The following TENM4 variants were observed in gnomAD, a reference collection of about 807,000 sequenced individuals.
The protein encoded by TENM4 is teneurin-4.
In TENM4, 82 loss-of-function variants were observed where a neutral mutation model predicts 243.3. The ratio of observed to expected loss-of-function variants is 0.34; its 90% CI spans 0.28 to 0.40. TENM4 has a LOEUF of 0.40. Among genes scored for constraint, TENM4 ranks in the 10% least tolerant of loss-of-function variants. The pLI is 1.00. For synonymous variants in TENM4, 1,412 were observed against 1,456.3 expected (o/e 0.97, Z 0.69); for missense variants, 3,138 against 3,673.3 (o/e 0.85, Z 3.77).
At chr11:78,901,338 C>T (rs1855925100) in intron 7 of TENM4, among the ~76,000 whole-genome samples, 1 of 152,066 alleles carries the variant, frequency 6.6e-6, no homozygotes, top group Non-Finnish European at 1.5e-5. Flanking sequence ...TTACAATGAA[C>T]ATTTCTTATT....
intron 17 of TENM4, 112 bp from the exon 18 acceptor site, chr11:78,771,250 G>A (rs903909731): frequency 1.9e-5 from 25 of 1,327,930 alleles, no homozygotes; most frequent in Admixed American, 4.2e-5. Flanking sequence ...ATCAGCACAC[G>A]AATGCCCACA....
chr11:79,268,946 G>C (rs1282692236), intron 2 of TENM4, among the ~76,000 whole-genome samples: 1 of 152,184 alleles, frequency 6.6e-6, no homozygotes, highest in Non-Finnish European at 1.5e-5. Flanking sequence ...TGCTGGCTGA[G>C]AGTTCAATGT....
intron 6 of TENM4, among the ~76,000 whole-genome samples, chr11:79,059,957 G>T (rs936792577): frequency 2.6e-5 from 4 of 152,208 alleles, no homozygotes; most frequent in Admixed American, 6.5e-5. Flanking sequence ...TTAAAGAGCT[G>T]CAAGGTGGTC....
rs1384635007 is a variant in TENM4 at position 78,655,982 on chromosome 11, C to A, written c.*2076G>T. On this transcript the variant is annotated 3_prime_UTR_variant, in exon 34 of 34. Coordinates refer to ENST00000278550, the MANE Select transcript of TENM4 (RefSeq NM_001098816.3). The stretch of plus-strand genomic sequence containing the variant: ...CCAGGGGCAATGGGCAACCAGTGGA[C>A]AAGCAGGCCAAAGCGCACTGCTGCA... 1 of 152,212 alleles carries A rather than the reference C, an allele frequency of 6.6e-6. No individual in the cohort carries two copies. The highest frequency in any genetic ancestry group is 1.5e-5 in the Non-Finnish European group (1 of 68,070). 9.4% of individuals were successfully genotyped at this position (152,212 alleles called of 1,614,324 possible).
chr11:78,864,413 G>A lies in TENM4; in HGVS notation c.1085-1281C>T, dbSNP rs376001589. Among the ~76,000 whole-genome samples the A allele has an allele frequency of 2.3e-4, 24 of 105,232 alleles. No homozygotes were observed. The East Asian group carries it at 3.2e-3, about 14-fold the overall frequency. The allele number at this position is 105,232 out of a possible 152,430, so 69.0% of individuals were successfully genotyped here. ...CCCGCCACTGCACTCCAGCCTGGGC[G>A]ACAGAGCGAGACTCCGTCTCAAAAA... is the stretch of plus-strand genomic sequence containing the variant. On this transcript the variant is annotated intron_variant, in intron 9 of 33. Transcript: ENST00000278550.
intron 6 of TENM4, among the ~76,000 whole-genome samples, chr11:79,052,236 C>T (rs960520631): frequency 1.3e-5 from 2 of 152,224 alleles, no homozygotes; most frequent in Admixed American, 6.5e-5. Flanking sequence ...TACACTTCCA[C>T]CAACAGTGCA....
chr11:79,271,141 T>C (rs1163623934), intron 2 of TENM4, among the ~76,000 whole-genome samples: 4 of 152,174 alleles, frequency 2.6e-5, no homozygotes, highest in African/African-American at 9.7e-5. Context: ...CAGGTACTTG[T>C]ATGCCTTTCT....
At chr11:79,012,838 C>T (rs924502958) in intron 6 of TENM4, among the ~76,000 whole-genome samples, 6 of 152,178 alleles carry the variant, frequency 3.9e-5, no homozygotes, top group African/African-American at 1.2e-4. Flanking sequence ...GGCACCAGTG[C>T]ACTCCATCTC....
intron 4 of TENM4, among the ~76,000 whole-genome samples, chr11:79,070,706 A>C (rs1048556568): frequency 2.6e-5 from 4 of 152,208 alleles, no homozygotes; most frequent in African/African-American, 9.7e-5. Context: ...AGATGTGTTT[A>C]ATTAACCAGC....
intron 26 of TENM4, among the ~76,000 whole-genome samples, chr11:78,712,075 A>T (rs1859411041): frequency 6.6e-6 from 1 of 152,224 alleles, no homozygotes; most frequent in Admixed American, 6.5e-5. Context: ...TGTAACAATA[A>T]CATGAGAGAC....
intron 4 of TENM4, chr11:79,096,268 T>A (rs1591279343): frequency 6.6e-6 from 1 of 152,268 alleles, no homozygotes; most frequent in African/African-American, 2.4e-5. Context: ...AAATGTTCAC[T>A]GTCACAATGG....
chr11:78,879,770 C>T (rs1053208040), intron 9 of TENM4, among the ~76,000 whole-genome samples: 5 of 151,538 alleles, frequency 3.3e-5, no homozygotes, highest in East Asian at 2.0e-4. Context: ...TCCACCCGGC[C>T]GCCCTGTCTG....
At chr11:79,318,710 A>G (rs944274479) in intron 1 of TENM4, among the ~76,000 whole-genome samples, 3 of 152,198 alleles carry the variant, frequency 2.0e-5, no homozygotes, top group African/African-American at 7.2e-5. Context: ...GTGAGTGTCA[A>G]GTACTTAGTC....
chr11:78,712,621 G>C lies in TENM4; in HGVS notation c.3915C>G (p.Ile1305Met), dbSNP rs1859425470. 1 of 1,613,988 alleles carries C rather than the reference G, an allele frequency of 6.2e-7. No homozygotes were observed. The highest frequency in any genetic ancestry group is 1.3e-5 in the African/African-American group (1 of 75,022). Residue 1305 changes from isoleucine to methionine, a missense_variant, in exon 26 of 34, where the codon ATC (isoleucine) becomes ATG (methionine). Ile to Met is a conservative substitution (Grantham distance 10). Coordinates refer to ENST00000278550, the MANE Select transcript of TENM4 (RefSeq NM_001098816.3). ...GGTCCTTCACCACCACAGTGGACTT[G>C]ATTTTAAAGACCCGCCGGCTGTTGC... Reference protein sequence around the residue: ...SDSNSRRVFKIKSTVVVKDLV... With the variant: ...SDSNSRRVFKMKSTVVVKDLV...
At chr11:79,032,449 G>T (rs1261320111) in intron 6 of TENM4, among the ~76,000 whole-genome samples, 4 of 152,200 alleles carry the variant, frequency 2.6e-5, no homozygotes, top group African/African-American at 9.7e-5. Context: ...TGGAAGCACA[G>T]ATCTCCGGAC....
chr11:79,174,482 T>C (rs1863117280), intron 3 of TENM4, among the ~76,000 whole-genome samples: 1 of 152,228 alleles, frequency 6.6e-6, no homozygotes, highest in Non-Finnish European at 1.5e-5. Context: ...CAGCTACAGC[T>C]GTGCCTAGTG....
At chr11:78,958,582 C>CT (rs1454937934) in intron 6 of TENM4, among the ~76,000 whole-genome samples, 3 of 152,210 alleles carry the variant, frequency 2.0e-5, no homozygotes, top group African/African-American at 7.2e-5. Context: ...CCCCACGGTC[C>CT]TCTTTGCACT....
At chr11:79,388,233 G>C (rs978473859) in intron 1 of TENM4, among the ~76,000 whole-genome samples, 8 of 152,064 alleles carry the variant, frequency 5.3e-5, no homozygotes, top group Non-Finnish European at 1.2e-4. Flanking sequence ...GTGACAGTGG[G>C]GACTGCACTA....
chr11:79,084,412 G>A (rs565993815), intron 4 of TENM4, among the ~76,000 whole-genome samples: 8 of 152,078 alleles, frequency 5.3e-5, no homozygotes, highest in South Asian at 2.1e-4. Flanking sequence ...GCAAAAAGCC[G>A]TACAATGATG....
Sources: gnomAD v4.1 joint callset for allele counts (sites outside exome capture counted in the v4.1 genomes callset) on GRCh38, gnomAD v4.1.1 for gene constraint, MANE v1.5 for transcripts, NCBI Gene and HGNC (gene_info 2026-07-23, HGNC 2026-07-21) for gene names.